The following USP45 variants were observed in gnomAD, a reference collection of about 807,000 sequenced individuals.
The protein encoded by USP45 is ubiquitin specific peptidase 45.
USP45 carries 89 observed loss-of-function variants against 95.8 expected under a neutral mutation model. That is an observed-to-expected ratio of 0.93 (90% confidence interval 0.78 to 1.11). The LOEUF (loss-of-function observed/expected upper bound fraction) is 1.11, where lower values mean the gene tolerates loss of function less well. USP45 is among the 50% of genes least tolerant of loss of function. USP45 has a pLI of 0.00. For synonymous variants in USP45, 281 were observed against 316.2 expected, an observed-to-expected ratio of 0.89 and a Z score of 1.18; for missense variants, 898 against 942.5, an observed-to-expected ratio of 0.95 and a Z score of 0.62.
chr6:99,465,155 T>C lies in USP45; in HGVS notation c.1108-19A>G. ...TGGAGATCTTAAAAGGAAAACACATTGAAAACTTCAGTTAGAATTCTAATA... is the reference window on the plus strand; with the variant it reads ...TGGAGATCTTAAAAGGAAAACACATCGAAAACTTCAGTTAGAATTCTAATA... On this transcript the variant is annotated intron_variant, in intron 11 of 17. Transcript: ENST00000500704. 6.4e-7 allele frequency: 1 copy of C among 1,571,186 alleles called. No individual in the cohort carries two copies. The highest frequency in any genetic ancestry group is 8.7e-7 in the Non-Finnish European group (1 of 1,154,630).
rs755601709 is a variant in USP45, at chr6:99,446,167, G to C, written c.1605C>G (p.Tyr535Ter). The C allele has an allele frequency of 6.2e-7, 1 of 1,614,044 alleles. No homozygotes were observed. The highest frequency in any genetic ancestry group is 1.1e-5 in the South Asian group (1 of 91,092). Residue 535 changes from tyrosine (Y) to a stop codon, truncating the protein, a stop_gained, in exon 14 of 18, where the codon TAC (tyrosine) becomes TAG (stop). Coordinates refer to ENST00000500704, the MANE Select transcript of USP45 (RefSeq NM_001346022.3). LOFTEE classifies it high-confidence loss of function. ...GSGVQPDGPL[Y>*]PLSAGKLLYT... ...ACAGCAGTTTACCTGCTGACAGAGG[G>C]TAAAGGGGTCCATCTGGCTGCACAC...
intron 13 of USP45, among the ~76,000 whole-genome samples, chr6:99,447,682 G>C (rs1782840900): frequency 6.6e-6 from 1 of 152,152 alleles, no homozygotes; most frequent in Admixed American, 6.6e-5. Context: ...CTGTCTGACA[G>C]CTTTGAAGAG....
At chr6:99,469,129 A>C (rs540419020) in intron 9 of USP45, among the ~76,000 whole-genome samples, 1 of 152,264 alleles carries the variant, frequency 6.6e-6, no homozygotes, top group East Asian at 1.9e-4. Flanking sequence ...TTTATCAATT[A>C]ATGTCCATAG....
intron 14 of USP45, among the ~76,000 whole-genome samples, chr6:99,445,070 G>A (rs1040279833): frequency 6.6e-6 from 1 of 152,152 alleles, no homozygotes; most frequent in African/African-American, 2.4e-5. Context: ...TATAGCGCTA[G>A]CTTTATGACA....
At chr6:99,450,029 C>T (rs1417919766) in intron 13 of USP45, among the ~76,000 whole-genome samples, 1 of 152,120 alleles carries the variant, frequency 6.6e-6, no homozygotes, top group East Asian at 1.9e-4. Context: ...ACATTTAAAG[C>T]AGTGTGTAGA....
intron 5 of USP45, 132 bp downstream of exon 5, chr6:99,503,633 A>G (rs904048725): frequency 1.6e-6 from 1 of 619,566 alleles, no homozygotes; most frequent in Non-Finnish European, 2.6e-6. Flanking sequence ...CCCAGCCGAT[A>G]CTCATAATAT....
chr6:99,458,520 G>A (rs745960517), intron 13 of USP45, among the ~76,000 whole-genome samples: 2 of 152,176 alleles, frequency 1.3e-5, no homozygotes, highest in African/African-American at 4.8e-5. Context: ...GGCAGTATAC[G>A]TGGTTAAGAA....
At chr6:99,517,356 G>A (rs1177970779), upstream of USP45, among the ~76,000 whole-genome samples, 1 of 152,020 alleles carries the variant, frequency 6.6e-6, no homozygotes, top group African/African-American at 2.4e-5. Flanking sequence ...ATCATGTTCT[G>A]TTTGGAAATA....
chr6:99,510,240 T>C lies in USP45; in HGVS notation c.-10-10A>G, dbSNP rs371559851. Reference sequence around the variant, plus strand: ...CCGCATCTGTTATTTACTGAAGGGATTGAGGGAAAAAAATTCATACATTTT... The same window carrying C: ...CCGCATCTGTTATTTACTGAAGGGACTGAGGGAAAAAAATTCATACATTTT... On this transcript the variant is annotated splice_polypyrimidine_tract_variant and intron_variant, in intron 1 of 17. Transcript: ENST00000500704. 32 of 1,586,760 alleles carry C rather than the reference T, an allele frequency of 2.0e-5. No individual in the cohort carries two copies. The highest frequency in any genetic ancestry group is 3.5e-5 in the South Asian group (3 of 85,974).
In USP45 at chr6:99,435,660, A is replaced by G. The variant is rs1006926366; in HGVS notation, c.*56T>C. 2 of 1,487,140 alleles carry G rather than the reference A, an allele frequency of 1.3e-6. No homozygotes were observed. Among genetic ancestry groups the G allele is most frequent in the African/African-American group, 1.4e-5 (1 of 72,076 alleles). The allele number at this position is 1,487,140 out of a possible 1,614,324, so 92.1% of individuals were successfully genotyped here. On this transcript the variant is annotated 3_prime_UTR_variant, in exon 18 of 18. Coordinates refer to ENST00000500704, the MANE Select transcript of USP45 (RefSeq NM_001346022.3). ...ACTAGAAAGGCACATTATATATTAT[A>G]GTTATCACTGTGGCATTCAAAAACA...
chr6:99,474,362 T>TA (rs1171843809), intron 9 of USP45, among the ~76,000 whole-genome samples: 1 of 152,146 alleles, frequency 6.6e-6, no homozygotes, highest in Non-Finnish European at 1.5e-5. Context: ...CACGCCTGGC[T>TA]AATTTTTGTG....
chr6:99,517,334 C>T (rs1801176054), upstream of USP45, among the ~76,000 whole-genome samples: 1 of 152,076 alleles, frequency 6.6e-6, no homozygotes. Flanking sequence ...TGCTAAATAT[C>T]TTAAATTTAC....
At chr6:99,445,507 G>T (rs1440233809) in intron 14 of USP45, among the ~76,000 whole-genome samples, 3 of 151,716 alleles carry the variant, frequency 2.0e-5, no homozygotes, top group Non-Finnish European at 4.4e-5. Flanking sequence ...AAAGTTGTAG[G>T]GATATTTCTT....
At chr6:99,448,347 T>C (rs1272022243) in intron 13 of USP45, among the ~76,000 whole-genome samples, 1 of 152,166 alleles carries the variant, frequency 6.6e-6, no homozygotes, top group Non-Finnish European at 1.5e-5. Flanking sequence ...AGTCCTTAAA[T>C]GACCTGATTG....
chr6:99,498,607 G>A (rs905245311), intron 5 of USP45, among the ~76,000 whole-genome samples: 16 of 152,216 alleles, frequency 1.1e-4, no homozygotes, highest in Admixed American at 3.3e-4. Flanking sequence ...AGACAAATGT[G>A]CTACAGTTCA....
chr6:99,434,706 T>C lies in USP45; in HGVS notation c.*1010A>G, dbSNP rs923210895. On this transcript the variant is annotated 3_prime_UTR_variant, in exon 18 of 18. Transcript: ENST00000500704. ...AAAACCCCAAAACTGTGTTTAGTAT[T>C]TACAAGAAGTAGAAAAAGTATATAT... 2 of 152,192 alleles carry C rather than the reference T, an allele frequency of 1.3e-5. No individual in the cohort carries two copies. The highest frequency in any genetic ancestry group is 6.5e-5 in the Admixed American group (1 of 15,280). The allele number at this position is 152,192 out of a possible 1,614,324, so 9.4% of individuals were successfully genotyped here.
At chr6:99,469,703 G>A (rs886679415) in intron 9 of USP45, among the ~76,000 whole-genome samples, 4 of 151,210 alleles carry the variant, frequency 2.6e-5, no homozygotes, top group South Asian at 2.1e-4. Flanking sequence ...GGCTGGCCTT[G>A]AGCTTCTGAG....
chr6:99,480,871 T>TA (rs1476071148), intron 8 of USP45, among the ~76,000 whole-genome samples: 1 of 152,074 alleles, frequency 6.6e-6, no homozygotes, highest in African/African-American at 2.4e-5. Flanking sequence ...TACTTGATTT[T>TA]AAAAAAATAT....
In USP45 at chr6:99,507,498, A is replaced by G. The variant is rs145178232; in HGVS notation, c.307T>C (p.Leu103=). ...CGKNSESQHS[L]KHFKSSRTEP... is the part of the protein sequence containing the mutation. ...GTTCTGGAACTCTTAAAGTGCTTCAATGAATGTTGGCTTTCTGAGTTTTTA... is the reference window on the plus strand; with the variant it reads ...GTTCTGGAACTCTTAAAGTGCTTCAGTGAATGTTGGCTTTCTGAGTTTTTA... Residue 103 remains leucine, a synonymous_variant, in exon 4 of 18, where the codon TTG becomes CTG. Transcript: ENST00000500704. The G allele has an allele frequency of 3.0e-5, 49 of 1,613,220 alleles. No homozygotes were observed. The highest frequency in any genetic ancestry group is 3.6e-5 in the Non-Finnish European group (43 of 1,179,618).
Sources: gnomAD v4.1 joint callset for allele counts (sites outside exome capture counted in the v4.1 genomes callset) on GRCh38, gnomAD v4.1.1 for gene constraint, MANE v1.5 for transcripts, NCBI Gene and HGNC (gene_info 2026-07-23, HGNC 2026-07-21) for gene names.